The following PRKAG2 variants were observed in gnomAD, a reference collection of about 807,000 sequenced individuals.
PRKAG2 encodes protein kinase AMP-activated non-catalytic subunit gamma 2.
In PRKAG2, 26 loss-of-function variants were observed where a neutral mutation model predicts 69.6. The ratio of observed to expected loss-of-function variants is 0.37; its 90% CI spans 0.27 to 0.52. PRKAG2 has a LOEUF of 0.52. Ranked by LOEUF, PRKAG2 falls within the 20% of genes least tolerant of loss-of-function variation. PRKAG2 has a pLI of 0.90. For synonymous variants in PRKAG2, 293 were observed against 285.0 expected (o/e 1.03, Z -0.28); for missense variants, 557 against 740.0 (o/e 0.75, Z 2.87).
chr7:151,678,002 C>CA (rs1366712932), intron 3 of PRKAG2, among the ~76,000 whole-genome samples: 3 of 152,246 alleles, frequency 2.0e-5, no homozygotes, highest in Admixed American at 2.0e-4. Context: ...CTGGTCTGGA[C>CA]AAGGCTGCGT....
chr7:151,613,742 C>T (rs1585228390), intron 5 of PRKAG2, among the ~76,000 whole-genome samples: 1 of 150,530 alleles, frequency 6.6e-6, no homozygotes, highest in East Asian at 2.0e-4. Context: ...AGGTGATCTG[C>T]CCAGCTTGGC....
At chr7:151,564,618 G>A (rs574545146) in intron 13 of PRKAG2, among the ~76,000 whole-genome samples, 5 of 152,224 alleles carry the variant, frequency 3.3e-5, no homozygotes, top group African/African-American at 7.2e-5. Context: ...CTGCAGCAAC[G>A]GACCTTCTCA....
chr7:151,773,050 AG>A (rs2076140350), intron 3 of PRKAG2, among the ~76,000 whole-genome samples: 13 of 32,616 alleles, frequency 4.0e-4, no homozygotes, highest in African/African-American at 1.8e-3. Flanking sequence ...AGAGAGAGAG[AG>A]AGGGAGGGAG....
rs1236384101 is a variant in PRKAG2 at position 151,719,619 on chromosome 7, T to C, written c.467-43982A>G. 6.6e-6 allele frequency among the ~76,000 whole-genome samples: 1 copy of C among 152,092 alleles called. No individual in the cohort carries two copies. The highest frequency in any genetic ancestry group is 1.5e-5 in the Non-Finnish European group (1 of 68,020). ...CGGGCAGTTCCCCCAGTGAGTCTGG[T>C]GTGTGTTGAGTCCTGTCCTGGCACC... On this transcript the variant is annotated intron_variant, in intron 3 of 15. Coordinates refer to ENST00000287878, the MANE Select transcript of PRKAG2 (RefSeq NM_016203.4). The surrounding 1 kb of genome is among the most constrained non-coding windows in gnomAD (Gnocchi z 5.2).
chr7:151,861,759 A>T (rs1258731842), intron 1 of PRKAG2, among the ~76,000 whole-genome samples: 1 of 151,688 alleles, frequency 6.6e-6, no homozygotes, highest in Non-Finnish European at 1.5e-5. Context: ...TGAGGTGGGG[A>T]TTATATTCTG....
chr7:151,786,579 C>A, intron 1 of PRKAG2, 38 bp from the exon 2 acceptor site: 1 of 1,563,080 alleles, frequency 6.4e-7, no homozygotes, highest in Non-Finnish European at 8.8e-7. Context: ...GTGACAGTGG[C>A]CCTCGGGCCC....
At chr7:151,569,215 T>C (rs978882130) in intron 10 of PRKAG2, among the ~76,000 whole-genome samples, 4 of 152,214 alleles carry the variant, frequency 2.6e-5, no homozygotes, top group African/African-American at 9.6e-5. Context: ...CTTTCTTTTT[T>C]GTAGACATGG....
At chr7:151,715,321 G>GTAA (rs1795991231) in intron 3 of PRKAG2, among the ~76,000 whole-genome samples, 1 of 7,576 alleles carries the variant, frequency 1.3e-4, no homozygotes, top group African/African-American at 8.5e-4. Flanking sequence ...TGGCCTAAAA[G>GTAA]CAAAAAAAAA....
chr7:151,701,684 A>G (rs1349566853), intron 3 of PRKAG2, among the ~76,000 whole-genome samples: 3 of 152,078 alleles, frequency 2.0e-5, no homozygotes, highest in Non-Finnish European at 4.4e-5. Flanking sequence ...TCTACTAAAA[A>G]TACAAAAAAT....
intron 1 of PRKAG2, among the ~76,000 whole-genome samples, chr7:151,824,437 CG>C (rs1384252620): frequency 6.6e-6 from 1 of 152,146 alleles, no homozygotes; most frequent in Non-Finnish European, 1.5e-5. Flanking sequence ...ACTCCTAAGC[CG>C]CGGTGAATGG....
intron 1 of PRKAG2, among the ~76,000 whole-genome samples, chr7:151,839,170 G>C (rs531378720): frequency 6.6e-6 from 1 of 152,194 alleles, no homozygotes; most frequent in Non-Finnish European, 1.5e-5. Flanking sequence ...ACCAGGGCTC[G>C]CTGCACCAGA....
intron 11 of PRKAG2, among the ~76,000 whole-genome samples, 163 bp from the exon 12 acceptor site, chr7:151,566,048 T>C (rs1806185023): frequency 1.3e-5 from 2 of 152,246 alleles, no homozygotes; most frequent in Admixed American, 6.5e-5. Context: ...CAAAGGACTG[T>C]ATCTTTTGTT....
intron 3 of PRKAG2, among the ~76,000 whole-genome samples, chr7:151,691,117 C>A (rs534192122): frequency 6.6e-6 from 1 of 152,302 alleles, no homozygotes; most frequent in South Asian, 2.1e-4. Flanking sequence ...CCCTCTCAGG[C>A]ACCAAAGTCT....
chr7:151,632,096 G>C lies in PRKAG2; in HGVS notation c.727C>G (p.Leu243Val), dbSNP rs543247293. ...TCGTCCTCGAACTCCAGCTTCTCCA[G>C]CATGCCGGCTTCCGCGGGTCCCAGG... ...AALGPAEAGM[L>V]EKLEFEDEAV... is the part of the protein sequence containing the mutation. The change falls in exon 5 of 16, where the codon CTG (leucine) becomes GTG (valine). Residue 243 changes from leucine (L) to valine (V), a missense_variant. Around this residue, in one of 2 missense-constraint regions of PRKAG2, gnomAD observed 352 missense variants for 356.7 expected, o/e 0.99. Transcript: ENST00000287878. The surrounding 1 kb of genome is among the most constrained non-coding windows in gnomAD (Gnocchi z 4.2). The C allele has an allele frequency of 3.5e-6, 5 of 1,416,656 alleles. No homozygotes were observed. In the South Asian group the frequency reaches 5.4e-5, roughly 15 times the overall value. The allele number at this position is 1,416,656 out of a possible 1,614,324, so 87.8% of individuals were successfully genotyped here. A position where few individuals can be genotyped will look rare whatever the true frequency, so the allele number is the denominator to read the frequency against.
intron 11 of PRKAG2, chr7:151,566,558 G>C: frequency 2.2e-6 from 1 of 450,170 alleles, no homozygotes; most frequent in Non-Finnish European, 4.5e-6. Flanking sequence ...AAGGTCTACG[G>C]TTTCAAAAAT....
Position 151,814,411 on chromosome 7 carries a change from C to T in PRKAG2, c.115-27870G>A. The T allele has an allele frequency of 8.2e-7, 1 of 1,226,968 alleles. No homozygotes were observed. Among genetic ancestry groups the T allele is most frequent in the African/African-American group, 1.6e-5 (1 of 64,470 alleles). 76.0% of individuals were successfully genotyped at this position (1,226,968 alleles called of 1,614,324 possible). On this transcript the variant is annotated intron_variant, in intron 1 of 15. Coordinates refer to ENST00000287878, the MANE Select transcript of PRKAG2 (RefSeq NM_016203.4). The surrounding 1 kb of genome is among the most constrained non-coding windows in gnomAD (Gnocchi z 4.8). ...TAGAAAGCCAGCTCCCGCAGGTCTG[C>T]TTACTCAGCCCCAAGGGGTCCTGGA...
intron 5 of PRKAG2, among the ~76,000 whole-genome samples, chr7:151,628,806 T>C (rs73478091): frequency 0.15 from 22,091 of 152,140 alleles, 2,003 homozygotes; most frequent in African/African-American, 0.24. Flanking sequence ...AATGAAATCA[T>C]TGAGATCCAA....
At position 151,573,201 on chromosome 7, in the gene PRKAG2, G is replaced by A. The variant is rs151132026; in HGVS notation, c.1006-492C>T. The stretch of plus-strand genomic sequence containing the variant: ...GAGACAAGGTCTCATTCTGTCATCC[G>A]GGCTGGAGTGCACAAGTGCGATCAT... On this transcript the variant is annotated intron_variant, in intron 8 of 15. Coordinates refer to ENST00000287878, the MANE Select transcript of PRKAG2 (RefSeq NM_016203.4). Among the ~76,000 whole-genome samples, 978 of 149,982 alleles carry A rather than the reference G, an allele frequency of 6.5e-3. 12 individuals carry two copies. The highest frequency in any genetic ancestry group is 0.022 in the African/African-American group (904 of 40,636).
rs1828089764 is a variant in PRKAG2, at chr7:151,649,374, C to A, written c.685-17236G>T. Among the ~76,000 whole-genome samples, 3 of 152,198 alleles carry A rather than the reference C, an allele frequency of 2.0e-5. No homozygotes were observed. The South Asian group carries it at 6.2e-4, about 32-fold the overall frequency. The stretch of plus-strand genomic sequence containing the variant: ...CTCCTGATCTCAAGTGATCCTCTCA[C>A]CTTGGCCTCCCAAAGTGCTGGGATT... On this transcript the variant is annotated intron_variant, in intron 4 of 15. Transcript: ENST00000287878.
Sources: allele counts gnomAD v4.1 joint callset (sites outside exome capture counted in the v4.1 genomes callset), GRCh38; gene constraint gnomAD v4.1.1; regional missense constraint gnomAD v4.1.1; non-coding constraint Gnocchi (gnomAD v3.1); transcripts MANE v1.5; gene names NCBI Gene and HGNC (gene_info 2026-07-23, HGNC 2026-07-21).